The following HHIPL1 variants were observed in gnomAD, a reference collection of about 807,000 sequenced individuals.
HHIPL1 encodes the protein HHIP like 1, also known as HHIP-like protein 1.
HHIPL1 carries 43 observed loss-of-function variants against 61.8 expected under a neutral mutation model. That is an observed-to-expected ratio of 0.70 (90% CI 0.55 to 0.90). The LOEUF is 0.90. HHIPL1 is among the 40% of genes least tolerant of loss of function. The pLI is 0.00. For missense variants in HHIPL1, 1,056 were observed against 1,157.7 expected, an observed-to-expected ratio of 0.91 and a Z score of 1.28; for synonymous variants, 482 against 515.8, an observed-to-expected ratio of 0.93 and a Z score of 0.89.
At position 99,645,187 on chromosome 14, in the gene HHIPL1, C is replaced by T. The variant is rs2055807889; in HGVS notation, c.-21C>T. 5.5e-6 allele frequency: 7 copies of T among 1,265,856 alleles called. No individual in the cohort carries two copies. The highest frequency in any genetic ancestry group is 7.0e-6 in the Non-Finnish European group (7 of 1,006,218). The allele number at this position is 1,265,856 out of a possible 1,614,324, so 78.4% of individuals were successfully genotyped here. A position where few individuals can be genotyped will look rare whatever the true frequency, so the allele number is the denominator to read the frequency against. On this transcript the variant is annotated 5_prime_UTR_variant, in exon 1 of 9. Coordinates refer to ENST00000330710, the MANE Select transcript of HHIPL1 (RefSeq NM_001127258.3). Reference sequence around the variant, plus strand: ...GACCGGGGCTGCCGTCCCTCCGCCTCTTCCCCCGCGGGGCGTAGCGATGGC... The same window carrying T: ...GACCGGGGCTGCCGTCCCTCCGCCTTTTCCCCCGCGGGGCGTAGCGATGGC...
chr14:99,663,042 T>C, intron 6 of HHIPL1, 21 bp downstream of exon 6: 1 of 1,572,154 alleles, frequency 6.4e-7, no homozygotes, highest in South Asian at 1.2e-5. Flanking sequence ...CTGAGACCTC[T>C]CCTTGCTGGT....
In HHIPL1 at chr14:99,659,584, C is replaced by T. The variant is rs779773738; in HGVS notation, c.1203C>T (p.Phe401=). The stretch of plus-strand genomic sequence containing the variant: ...TGCGCAACATGTGGCGCTGCTCCTT[C>T]GACCGTGGCGACCCCTCCTCGGGCA... ...LGVRNMWRCS[F]DRGDPSSGTG... is the part of the protein sequence containing the mutation. Residue 401 remains phenylalanine, a synonymous_variant, in exon 4 of 9, where the codon TTC becomes TTT. Coordinates refer to ENST00000330710, the MANE Select transcript of HHIPL1 (RefSeq NM_001127258.3). 1.9e-5 allele frequency: 29 copies of T among 1,551,652 alleles called. No individual in the cohort carries two copies. In the Middle Eastern group the frequency reaches 6.7e-4, roughly 36 times the overall value.
At chr14:99,625,218 C>T in the HHIPL1 span, 1 of 152,176 alleles carries the variant, frequency 6.6e-6, no homozygotes, top group African/African-American at 2.4e-5. Flanking sequence ...CAGCCCCGCC[C>T]CCAGGCAAGC....
At chr14:99,623,935 G>A in the HHIPL1 span, among the ~76,000 whole-genome samples, 1 of 152,184 alleles carries the variant, frequency 6.6e-6, no homozygotes, top group Admixed American at 6.5e-5. Context: ...ATTTTGTCTA[G>A]GAGAGGGAAC....
upstream of HHIPL1, among the ~76,000 whole-genome samples, chr14:99,642,795 G>A (rs886730912): frequency 6.5e-4 from 98 of 151,396 alleles, no homozygotes; most frequent in African/African-American, 2.1e-3. Context: ...AAGTGCTGGG[G>A]TTACAGGCAT....
intron 8 of HHIPL1, among the ~76,000 whole-genome samples, chr14:99,673,403 G>A (rs1242506423): frequency 6.6e-6 from 1 of 150,492 alleles, no homozygotes; most frequent in African/African-American, 2.5e-5. Flanking sequence ...GTTCTGGCTG[G>A]GACGGACAGA....
the HHIPL1 span, among the ~76,000 whole-genome samples, chr14:99,630,831 C>T: frequency 6.6e-6 from 1 of 152,204 alleles, no homozygotes; most frequent in South Asian, 2.1e-4. Context: ...ATATTCTGTC[C>T]CCTGTCTCTC....
At chr14:99,619,191 C>T in the HHIPL1 span, among the ~76,000 whole-genome samples, 1 of 152,144 alleles carries the variant, frequency 6.6e-6, no homozygotes, top group Non-Finnish European at 1.5e-5. Context: ...GTGGCTCACA[C>T]CTGTAATCCC....
the HHIPL1 span, among the ~76,000 whole-genome samples, chr14:99,614,004 G>A: frequency 3.3e-5 from 5 of 152,190 alleles, no homozygotes; most frequent in African/African-American, 1.2e-4. Context: ...AAAGAAGGAA[G>A]CTGAGTTAAG....
chr14:99,623,557 G>A, the HHIPL1 span, among the ~76,000 whole-genome samples: 1 of 152,160 alleles, frequency 6.6e-6, no homozygotes, highest in Non-Finnish European at 1.5e-5. Flanking sequence ...GGGACTGCAA[G>A]AGTGCACCAC....
chr14:99,646,902 A>T (rs2055849951), intron 1 of HHIPL1, among the ~76,000 whole-genome samples: 1 of 151,516 alleles, frequency 6.6e-6, no homozygotes, highest in Admixed American at 6.6e-5. Flanking sequence ...TAAAACCTTA[A>T]CCACCCCCCT....
chr14:99,652,955 C>G, intron 2 of HHIPL1, 85 bp downstream of exon 2: 1 of 1,336,112 alleles, frequency 7.5e-7, no homozygotes, highest in African/African-American at 1.5e-5. Context: ...ATCCTGTTCT[C>G]ACATATTGTG....
intron 1 of HHIPL1, among the ~76,000 whole-genome samples, chr14:99,647,327 T>C (rs563612170): frequency 9.7e-4 from 148 of 152,316 alleles, no homozygotes; most frequent in African/African-American, 3.5e-3. Flanking sequence ...GCCTGGGGGC[T>C]CCTCAGGACC....
intron 2 of HHIPL1, among the ~76,000 whole-genome samples, chr14:99,653,544 G>A (rs1045874208): frequency 1.3e-5 from 2 of 152,174 alleles, no homozygotes; most frequent in African/African-American, 4.8e-5. Flanking sequence ...TGTTGCGCAG[G>A]CTGGTCTTGA....
chr14:99,665,071 G>A (rs1011800143), intron 6 of HHIPL1, among the ~76,000 whole-genome samples: 3 of 151,962 alleles, frequency 2.0e-5, no homozygotes, highest in East Asian at 1.9e-4. Flanking sequence ...TTACTGGTGC[G>A]TGCCGCCACA....
At chr14:99,642,625 A>G (rs1391459377), upstream of HHIPL1, among the ~76,000 whole-genome samples, 2 of 151,574 alleles carry the variant, frequency 1.3e-5, no homozygotes, top group Admixed American at 1.3e-4. Flanking sequence ...TCCTGGGTTC[A>G]CGCCATTCTC....
chr14:99,632,457 G>A, the HHIPL1 span, among the ~76,000 whole-genome samples: 5 of 152,078 alleles, frequency 3.3e-5, no homozygotes, highest in Non-Finnish European at 5.9e-5. Flanking sequence ...CCTCCTCTCC[G>A]CTGAGAACAT....
the HHIPL1 span, among the ~76,000 whole-genome samples, chr14:99,612,046 T>C: frequency 1.3e-5 from 2 of 152,216 alleles, no homozygotes; most frequent in Non-Finnish European, 2.9e-5. Flanking sequence ...TCTGTATTAA[T>C]TTATTCTCAC....
chr14:99,605,304 G>T, the HHIPL1 span, among the ~76,000 whole-genome samples: 1 of 148,812 alleles, frequency 6.7e-6, no homozygotes, highest in African/African-American at 2.5e-5. Context: ...GCTTCCCACT[G>T]CCTGTAAGTC....
Sources: allele counts gnomAD v4.1 joint callset (sites outside exome capture counted in the v4.1 genomes callset), GRCh38; gene constraint gnomAD v4.1.1; transcripts MANE v1.5; gene names NCBI Gene and HGNC (gene_info 2026-07-23, HGNC 2026-07-21).